The following PEX14 variants were observed in gnomAD, a reference collection of about 807,000 sequenced individuals.
PEX14 encodes the protein peroxisomal membrane protein PEX14.
PEX14 carries 15 observed loss-of-function variants against 49.5 expected under a neutral mutation model. The ratio of observed to expected loss-of-function variants is 0.30; its 90% CI spans 0.20 to 0.47. PEX14 has a LOEUF of 0.47. Among genes scored for constraint, PEX14 ranks in the 20% least tolerant of loss-of-function variants. The pLI, the probability that PEX14 is intolerant of heterozygous loss-of-function variation, is 1.00. For synonymous variants in PEX14, 210 were observed against 212.7 expected (o/e 0.99, Z 0.11); for missense variants, 398 against 494.8 (o/e 0.80, Z 1.86).
In PEX14 at chr1:10,628,804, T is replaced by G. The variant is rs1266809318; in HGVS notation, c.678-727T>G. Among the ~76,000 whole-genome samples, 1 of 152,192 alleles carries G rather than the reference T, an allele frequency of 6.6e-6. No homozygotes were observed. Among genetic ancestry groups the G allele is most frequent in the Non-Finnish European group, 1.5e-5 (1 of 68,026 alleles). On this transcript the variant is annotated intron_variant, in intron 8 of 8. Transcript: ENST00000356607. The surrounding 1 kb of genome is among the most constrained non-coding windows in gnomAD (Gnocchi z 4.5). ...GCCCTGCGGGCAGGGCTTTGTCCTC[T>G]TGGCTCAGGCAGAGATGGGCCTGCC...
At chr1:10,493,990 G>T (rs1409527215) in intron 1 of PEX14, among the ~76,000 whole-genome samples, 1 of 152,190 alleles carries the variant, frequency 6.6e-6, no homozygotes. Context: ...AAGGTTTGAA[G>T]TTACCAATGC....
intron 3 of PEX14, among the ~76,000 whole-genome samples, chr1:10,566,923 A>G (rs1016590055): frequency 3.3e-5 from 5 of 152,068 alleles, no homozygotes; most frequent in Admixed American, 6.6e-5. Flanking sequence ...CAGCTAATAA[A>G]ATAATCCAGC....
intron 3 of PEX14, among the ~76,000 whole-genome samples, chr1:10,538,578 A>C (rs1005394808): frequency 1.3e-5 from 2 of 152,248 alleles, no homozygotes; most frequent in Admixed American, 1.3e-4. Flanking sequence ...AGAGAATTCC[A>C]AGGTTTGATC....
At chr1:10,480,387 CTTTTTTTT>C (rs34544712) in intron 1 of PEX14, among the ~76,000 whole-genome samples, 3 of 87,286 alleles carry the variant, frequency 3.4e-5, no homozygotes, top group Admixed American at 3.0e-4. Flanking sequence ...GCCTGGCTAA[CTTTTTTTT>C]TTTTTTTTTT....
intron 3 of PEX14, among the ~76,000 whole-genome samples, chr1:10,570,844 C>G (rs1167314174): frequency 1.3e-5 from 1 of 78,688 alleles, no homozygotes. Flanking sequence ...AAAATGTCAA[C>G]AGGGTTTTTT....
chr1:10,604,509 G>A (rs284282), intron 4 of PEX14, among the ~76,000 whole-genome samples: 13,698 of 152,088 alleles, frequency 0.09, 1,564 homozygotes, highest in African/African-American at 0.27. Flanking sequence ...TACTTGGGAG[G>A]CTGAGGTGGG....
At chr1:10,569,497 C>A (rs1639909804) in intron 3 of PEX14, among the ~76,000 whole-genome samples, 1 of 152,174 alleles carries the variant, frequency 6.6e-6, no homozygotes, top group Admixed American at 6.5e-5. Flanking sequence ...CAGTTGTCAG[C>A]CTTTCCCGAT....
intron 2 of PEX14, among the ~76,000 whole-genome samples, chr1:10,505,724 A>G (rs921605394): frequency 6.9e-6 from 1 of 145,860 alleles, no homozygotes; most frequent in African/African-American, 2.6e-5. Context: ...TCCGTTGCCC[A>G]GGCTGGAGTG....
At position 10,597,500 on chromosome 1, in the gene PEX14, G is replaced by C. The variant is rs1346042206; in HGVS notation, c.170-1738G>C. On this transcript the variant is annotated intron_variant, in intron 3 of 8. Coordinates refer to ENST00000356607, the MANE Select transcript of PEX14 (RefSeq NM_004565.3). The surrounding 1 kb of genome is among the most constrained non-coding windows in gnomAD (Gnocchi z 5.7). ...TGTTGGTCCTGTCCCTGTTCTTCTTGGAAGGTGAAATTATGGGTAAAGCAG... is the reference window on the plus strand; with the variant it reads ...TGTTGGTCCTGTCCCTGTTCTTCTTCGAAGGTGAAATTATGGGTAAAGCAG... 6.6e-6 allele frequency among the ~76,000 whole-genome samples: 1 copy of C among 152,138 alleles called. No individual in the cohort carries two copies. The highest frequency in any genetic ancestry group is 1.5e-5 in the Non-Finnish European group (1 of 68,036).
intron 2 of PEX14, among the ~76,000 whole-genome samples, chr1:10,516,794 G>C (rs1429463752): frequency 6.6e-6 from 1 of 152,184 alleles, no homozygotes; most frequent in Admixed American, 6.5e-5. Context: ...GTCAGGTATT[G>C]GTTTAGAAAG....
At position 10,613,920 on chromosome 1, in the gene PEX14, C is replaced by T. The variant is rs1641340977; in HGVS notation, c.299-4412C>T. Among the ~76,000 whole-genome samples the T allele has an allele frequency of 6.6e-6, 1 of 152,216 alleles. No individual in the cohort carries two copies. The highest frequency in any genetic ancestry group is 2.1e-4 in the South Asian group (1 of 4,834). On this transcript the variant is annotated intron_variant, in intron 4 of 8. Coordinates refer to ENST00000356607, the MANE Select transcript of PEX14 (RefSeq NM_004565.3). This position sits in a 1 kb window ranked among gnomAD's most constrained non-coding sequence, Gnocchi z 5.0. ...CCACTCATTCTCTTCCTTTTCTTCC[C>T]AGCTAGAGAAGAGTGACTGCCCCAT...
intron 1 of PEX14, among the ~76,000 whole-genome samples, chr1:10,483,890 C>G (rs937920070): frequency 6.0e-5 from 9 of 150,634 alleles, no homozygotes; most frequent in African/African-American, 2.2e-4. Context: ...TTTTCTATTA[C>G]TATAGAGTAT....
chr1:10,615,780 A>G (rs1641397213), intron 4 of PEX14, among the ~76,000 whole-genome samples: 1 of 152,230 alleles, frequency 6.6e-6, no homozygotes, highest in Admixed American at 6.5e-5. Context: ...AATATCCTGC[A>G]GCTGTAGAAA....
intron 3 of PEX14, among the ~76,000 whole-genome samples, chr1:10,578,203 G>T (rs1001595792): frequency 1.3e-5 from 2 of 152,158 alleles, no homozygotes; most frequent in Non-Finnish European, 2.9e-5. Flanking sequence ...CCATGCACAG[G>T]GGAAGTGCCA....
chr1:10,490,934 G>T (rs911906793), intron 1 of PEX14, among the ~76,000 whole-genome samples: 1 of 151,334 alleles, frequency 6.6e-6, no homozygotes, highest in Non-Finnish European at 1.5e-5. Flanking sequence ...GAACTCCTGG[G>T]CCCAAGCGAT....
intron 2 of PEX14, among the ~76,000 whole-genome samples, chr1:10,510,190 T>G (rs1641858529): frequency 6.6e-6 from 1 of 152,218 alleles, no homozygotes; most frequent in South Asian, 2.1e-4. Flanking sequence ...TTTACAGGTT[T>G]CAGCCTCATT....
chr1:10,503,079 G>A (rs1641710302), intron 2 of PEX14, among the ~76,000 whole-genome samples: 1 of 151,750 alleles, frequency 6.6e-6, no homozygotes, highest in African/African-American at 2.4e-5. Context: ...GGGATTACAG[G>A]TGTGAGCCAC....
intron 3 of PEX14, among the ~76,000 whole-genome samples, chr1:10,590,601 T>G (rs1015638518): frequency 6.6e-6 from 1 of 152,182 alleles, no homozygotes; most frequent in Non-Finnish European, 1.5e-5. Context: ...AATGAGATCT[T>G]GCACTCTCAC....
chr1:10,556,239 G>C (rs955430627), intron 3 of PEX14, among the ~76,000 whole-genome samples: 1 of 152,132 alleles, frequency 6.6e-6, no homozygotes, highest in Admixed American at 6.5e-5. Context: ...GGCTGGAGCT[G>C]GTGATACTGT....
Sources: allele counts gnomAD v4.1 joint callset (sites outside exome capture counted in the v4.1 genomes callset), GRCh38; gene constraint gnomAD v4.1.1; non-coding constraint Gnocchi (gnomAD v3.1); transcripts MANE v1.5; gene names NCBI Gene and HGNC (gene_info 2026-07-23, HGNC 2026-07-21).